Variants in AKAP13 observed in about 807,000 individuals in gnomAD.
AKAP13 encodes A-kinase anchoring protein 13.
AKAP13 carries 80 observed loss-of-function variants against 264.5 expected under a neutral mutation model. That is an observed-to-expected ratio of 0.30 (90% CI 0.25 to 0.36). The LOEUF (loss-of-function observed/expected upper bound fraction) is 0.36, where lower values mean the gene tolerates loss of function less well. Among genes scored for constraint, AKAP13 ranks in the 10% least tolerant of loss-of-function variants. The pLI, the probability that AKAP13 is intolerant of heterozygous loss-of-function variation, is 1.00. For synonymous variants in AKAP13, 1,380 were observed against 1,250.2 expected, an observed-to-expected ratio of 1.10 and a Z score of -2.19; for missense variants, 3,712 against 3,435.2, an observed-to-expected ratio of 1.08 and a Z score of -2.01.
At chr15:85,648,976 C>G (rs1442276114) in intron 10 of AKAP13, among the ~76,000 whole-genome samples, 1 of 152,138 alleles carries the variant, frequency 6.6e-6, no homozygotes, top group African/African-American at 2.4e-5. Flanking sequence ...GAGGATTTTT[C>G]TCTTAGTGTT....
At chr15:85,706,349 G>A (rs1200510844) in intron 17 of AKAP13, among the ~76,000 whole-genome samples, 1 of 152,208 alleles carries the variant, frequency 6.6e-6, no homozygotes, top group African/African-American at 2.4e-5. Flanking sequence ...AATAAATAAA[G>A]CCGTTTGCCT....
At chr15:85,415,399 G>A (rs909208819) in intron 1 of AKAP13, 17 of 1,606,190 alleles carry the variant, frequency 1.1e-5, no homozygotes, top group African/African-American at 2.7e-5. Context: ...AAAACCGAGA[G>A]CACTTTGAAA....
intron 33 of AKAP13, 126 bp from the exon 34 acceptor site, chr15:85,740,096 T>A: frequency 1.0e-6 from 1 of 992,584 alleles, no homozygotes. Context: ...TTTGAAAATA[T>A]TTCATAAAGA....
chr15:85,681,486 A>G (rs1251666610), intron 14 of AKAP13, among the ~76,000 whole-genome samples: 2 of 152,108 alleles, frequency 1.3e-5, no homozygotes, highest in African/African-American at 2.4e-5. Flanking sequence ...GCGGCAGTTT[A>G]TGGTCCAGTG....
intron 10 of AKAP13, 117 bp downstream of exon 10, chr15:85,646,071 G>A: frequency 7.8e-7 from 1 of 1,288,494 alleles, no homozygotes; most frequent in East Asian, 2.4e-5. Context: ...CCCTAAATAT[G>A]TAACTCCTGC....
chr15:85,492,540 C>G (rs2075758965), intron 2 of AKAP13, among the ~76,000 whole-genome samples: 1 of 152,196 alleles, frequency 6.6e-6, no homozygotes, highest in South Asian at 2.1e-4. Flanking sequence ...ACAGTATACT[C>G]TGTTCCCCTT....
intron 1 of AKAP13, among the ~76,000 whole-genome samples, chr15:85,469,734 A>G (rs1440632007): frequency 6.6e-6 from 1 of 152,212 alleles, no homozygotes; most frequent in Non-Finnish European, 1.5e-5. Context: ...ATACTAATGC[A>G]TTTATTTTAG....
chr15:85,633,022 C>T (rs183209136), intron 8 of AKAP13, among the ~76,000 whole-genome samples: 21 of 152,208 alleles, frequency 1.4e-4, no homozygotes, highest in African/African-American at 4.6e-4. Context: ...TGTGCCACCA[C>T]GCCCAGATAA....
At chr15:85,559,448 C>T (rs549029365) in intron 5 of AKAP13, among the ~76,000 whole-genome samples, 72 of 152,126 alleles carry the variant, frequency 4.7e-4, no homozygotes, top group African/African-American at 1.6e-3. Flanking sequence ...ATGATTCAAG[C>T]GCATTACATT....
At chr15:85,737,952 A>T (rs1281215367) in intron 33 of AKAP13, among the ~76,000 whole-genome samples, 2 of 151,940 alleles carry the variant, frequency 1.3e-5, no homozygotes, top group African/African-American at 4.8e-5. Context: ...ATTTTTCTTT[A>T]TGGCGACTTT....
intron 26 of AKAP13, among the ~76,000 whole-genome samples, chr15:85,725,891 G>C (rs145043989): frequency 2.2e-3 from 331 of 152,294 alleles, no homozygotes; most frequent in African/African-American, 7.5e-3. Flanking sequence ...GCCACTCTTT[G>C]TTCTTTTGAG....
chr15:85,656,120 T>A (rs933388228), intron 11 of AKAP13, among the ~76,000 whole-genome samples: 1 of 152,212 alleles, frequency 6.6e-6, no homozygotes, highest in Non-Finnish European at 1.5e-5. Flanking sequence ...TAATGAAACT[T>A]ATGAATGAGA....
At chr15:85,589,369 A>G (rs1380353424) in intron 8 of AKAP13, among the ~76,000 whole-genome samples, 1 of 152,094 alleles carries the variant, frequency 6.6e-6, no homozygotes, top group Non-Finnish European at 1.5e-5. Context: ...CTTCAATACA[A>G]CTTTATTATG....
chr15:85,553,463 A>G (rs566544582), intron 5 of AKAP13, among the ~76,000 whole-genome samples: 4 of 152,162 alleles, frequency 2.6e-5, no homozygotes, highest in Non-Finnish European at 4.4e-5. Context: ...TGTTCTTCCT[A>G]AGGTTATCTA....
At chr15:85,661,492 G>A (rs1332854901) in intron 12 of AKAP13, among the ~76,000 whole-genome samples, 4 of 152,166 alleles carry the variant, frequency 2.6e-5, no homozygotes. Flanking sequence ...GCTGAGGCGG[G>A]TGGATCACTT....
intron 6 of AKAP13, among the ~76,000 whole-genome samples, chr15:85,578,441 G>A (rs11636172): frequency 0.61 from 93,153 of 151,644 alleles, 28,760 homozygotes; most frequent in Middle Eastern, 0.72. Flanking sequence ...TCCGCCTCCC[G>A]GGTACAAGCA....
chr15:85,533,700 G>A lies in AKAP13; in HGVS notation c.298G>A (p.Ala100Thr). The A allele has an allele frequency of 1.9e-6, 3 of 1,614,198 alleles. No homozygotes were observed. The South Asian group carries it at 3.3e-5, about 18-fold the overall frequency. The change falls in exon 4 of 37, where the codon GCT (alanine) becomes ACT (threonine). Residue 100 changes from alanine to threonine, a missense_variant. Ala to Thr is a moderately conservative substitution (Grantham distance 58). Coordinates refer to ENST00000394518, the MANE Select transcript of AKAP13 (RefSeq NM_007200.5). ...CGTCCAGGATGAAGCGTATGATGCA[G>A]CTCAATTCCTAGCAACCAGTGCTGG... ...HFVQDEAYDA[A>T]QFLATSAGNQ...
intron 5 of AKAP13, among the ~76,000 whole-genome samples, chr15:85,555,034 C>A (rs567069426): frequency 4.6e-5 from 7 of 151,690 alleles, no homozygotes; most frequent in South Asian, 2.1e-4. Flanking sequence ...TTCCCTCCCC[C>A]CCAAAAAAAG....
At chr15:85,740,352 G>A in intron 34 of AKAP13, 80 bp downstream of exon 34, 1 of 1,532,312 alleles carries the variant, frequency 6.5e-7, no homozygotes, top group Non-Finnish European at 9.0e-7. Context: ...TTGGATCTTT[G>A]AGGTTTGCAG....
Sources: allele counts gnomAD v4.1 joint callset (sites outside exome capture counted in the v4.1 genomes callset), GRCh38; gene constraint gnomAD v4.1.1; transcripts MANE v1.5; gene names NCBI Gene and HGNC (gene_info 2026-07-23, HGNC 2026-07-21).